PTPRD: variants seen among roughly 807,000 people sequenced by gnomAD.
PTPRD encodes the protein protein tyrosine phosphatase receptor type D.
In PTPRD, 34 loss-of-function variants were observed where a neutral mutation model predicts 214.5. The ratio of observed to expected loss-of-function variants is 0.16; its 90% CI spans 0.12 to 0.21. The LOEUF (loss-of-function observed/expected upper bound fraction) is 0.21. Among genes scored for constraint, PTPRD ranks in the 10% least tolerant of loss-of-function variants. PTPRD has a pLI of 1.00. For synonymous variants in PTPRD, 1,128 were observed against 845.7 expected (o/e 1.33, Z -5.79); for missense variants, 2,545 against 2,398.7 (o/e 1.06, Z -1.27).
intron 8 of PTPRD, among the ~76,000 whole-genome samples, chr9:9,562,179 A>C (rs1317539214): frequency 2.0e-5 from 3 of 152,096 alleles, no homozygotes; most frequent in African/African-American, 7.2e-5. Context: ...AGGCAGCTCC[A>C]CAGTTAAGTT....
At chr9:9,784,976 A>G (rs1005276325) in intron 5 of PTPRD, among the ~76,000 whole-genome samples, 5 of 151,626 alleles carry the variant, frequency 3.3e-5, no homozygotes, top group East Asian at 1.9e-4. Context: ...TTGGGTGAAT[A>G]TAACTGCTTT....
chr9:9,741,510 GT>G (rs2098402002), intron 6 of PTPRD, among the ~76,000 whole-genome samples: 1 of 151,880 alleles, frequency 6.6e-6, no homozygotes, highest in Non-Finnish European at 1.5e-5. Flanking sequence ...GAACTGGCAG[GT>G]TTGTTACATA....
intron 11 of PTPRD, among the ~76,000 whole-genome samples, chr9:8,933,173 T>G (rs1473830048): frequency 6.6e-6 from 1 of 151,872 alleles, no homozygotes; most frequent in Non-Finnish European, 1.5e-5. Flanking sequence ...CCACCCTGCT[T>G]CTGCTCGCCC....
intron 8 of PTPRD, among the ~76,000 whole-genome samples, chr9:9,476,113 G>C (rs1423723829): frequency 6.6e-6 from 1 of 152,150 alleles, no homozygotes; most frequent in African/African-American, 2.4e-5. Context: ...CTTTTGGTGA[G>C]AAAACAGGCG....
chr9:8,712,053 T>A (rs1410081019), intron 12 of PTPRD, among the ~76,000 whole-genome samples: 2 of 152,218 alleles, frequency 1.3e-5, no homozygotes, highest in South Asian at 4.1e-4. Flanking sequence ...TCAAGACTCA[T>A]ACAACAGTAC....
intron 5 of PTPRD, chr9:9,803,808 G>A (rs899578723): frequency 2.0e-5 from 3 of 152,030 alleles, no homozygotes; most frequent in Admixed American, 1.3e-4. Context: ...ATCATTTAAA[G>A]AGAAGCTCAT....
chr9:8,628,982 AGTG>A (rs1039464178), intron 14 of PTPRD, among the ~76,000 whole-genome samples: 16 of 151,778 alleles, frequency 1.1e-4, no homozygotes, highest in African/African-American at 3.6e-4. Flanking sequence ...CTGTTGTGCT[AGTG>A]GTGGTGGTGG....
In PTPRD at chr9:9,632,483, G is replaced by A. The variant is rs541199484; in HGVS notation, c.-286-57702C>T. ...ATTAAAAATGTTTCCAAGTTAGGTA[G>A]TGGTGATGATTGTACAATCTTGTAA... On this transcript the variant is annotated intron_variant, in intron 7 of 45. Coordinates refer to ENST00000381196, the MANE Select transcript of PTPRD (RefSeq NM_002839.4). 3.9e-5 allele frequency among the ~76,000 whole-genome samples: 6 copies of A among 152,226 alleles called. No homozygotes were observed. The East Asian group carries it at 1.2e-3, about 29-fold the overall frequency.
intron 5 of PTPRD, among the ~76,000 whole-genome samples, chr9:9,822,777 T>C (rs866620965): frequency 2.6e-5 from 4 of 152,046 alleles, no homozygotes; most frequent in East Asian, 1.9e-4. Flanking sequence ...TTTTGAGTGC[T>C]GACATGACCT....
chr9:8,888,468 C>T (rs1478038846), intron 11 of PTPRD, among the ~76,000 whole-genome samples: 2 of 152,078 alleles, frequency 1.3e-5, no homozygotes, highest in Non-Finnish European at 2.9e-5. Context: ...ATGAAATAAA[C>T]TCCTCTAGTC....
At chr9:8,698,530 T>C (rs1259097341) in intron 12 of PTPRD, among the ~76,000 whole-genome samples, 2 of 152,238 alleles carry the variant, frequency 1.3e-5, no homozygotes, top group African/African-American at 4.8e-5. Flanking sequence ...TCATTTTCTG[T>C]TGAAAGTTTT....
At chr9:8,592,405 G>A (rs1675814647) in intron 14 of PTPRD, among the ~76,000 whole-genome samples, 1 of 152,156 alleles carries the variant, frequency 6.6e-6, no homozygotes, top group South Asian at 2.1e-4. Flanking sequence ...CCTATAGGGA[G>A]TTAGAGTTGA....
At chr9:10,277,184 C>A (rs1013313119) in intron 3 of PTPRD, among the ~76,000 whole-genome samples, 1 of 133,802 alleles carries the variant, frequency 7.5e-6, no homozygotes, top group Admixed American at 7.7e-5. Flanking sequence ...AGTAAAAAAA[C>A]AACATAAACA....
intron 9 of PTPRD, among the ~76,000 whole-genome samples, chr9:9,196,963 T>C (rs920953581): frequency 6.6e-5 from 10 of 152,066 alleles, no homozygotes; most frequent in African/African-American, 1.9e-4. Flanking sequence ...CCATGATAGA[T>C]CTAGATACAA....
chr9:9,963,567 C>A (rs1351711322), intron 4 of PTPRD, among the ~76,000 whole-genome samples: 1 of 152,052 alleles, frequency 6.6e-6, no homozygotes, highest in Non-Finnish European at 1.5e-5. Flanking sequence ...TCACTTTACA[C>A]AAGTATAGAG....
intron 9 of PTPRD, among the ~76,000 whole-genome samples, chr9:9,330,552 A>T (rs55892509): frequency 0.15 from 22,313 of 152,056 alleles, 1,981 homozygotes; most frequent in African/African-American, 0.26. Context: ...AAATACAATA[A>T]GTAATATTAT....
chr9:9,242,006 T>C (rs965611833), intron 9 of PTPRD, among the ~76,000 whole-genome samples: 2 of 152,094 alleles, frequency 1.3e-5, no homozygotes, highest in Non-Finnish European at 2.9e-5. Flanking sequence ...CCATGTTTAG[T>C]GCTTCCTTCA....
At chr9:9,450,758 T>G (rs894635395) in intron 8 of PTPRD, among the ~76,000 whole-genome samples, 19 of 129,214 alleles carry the variant, frequency 1.5e-4, no homozygotes, top group South Asian at 9.7e-4. Context: ...TGGGGGGGGG[T>G]GTGTGTGTCC....
chr9:8,902,504 T>G (rs1203948775), intron 11 of PTPRD, among the ~76,000 whole-genome samples: 2 of 151,914 alleles, frequency 1.3e-5, no homozygotes, highest in African/African-American at 4.8e-5. Context: ...CCACCACACC[T>G]GGCTAATTTT....
Sources: gnomAD v4.1 joint callset for allele counts (sites outside exome capture counted in the v4.1 genomes callset) on GRCh38, gnomAD v4.1.1 for gene constraint, MANE v1.5 for transcripts, NCBI Gene and HGNC (gene_info 2026-07-23, HGNC 2026-07-21) for gene names.